Variants in PTPRN2 observed in about 807,000 individuals in gnomAD.
PTPRN2 encodes the protein receptor-type tyrosine-protein phosphatase N2.
PTPRN2 carries 74 observed loss-of-function variants against 118.8 expected under a neutral mutation model. That is an observed-to-expected ratio of 0.62 (90% confidence interval 0.52 to 0.76). PTPRN2 has a LOEUF of 0.76. PTPRN2 is among the 30% of genes least tolerant of loss of function. The pLI, the probability that PTPRN2 is intolerant of heterozygous loss-of-function variation, is 0.00. For missense variants in PTPRN2, 1,481 were observed against 1,394.4 expected (o/e 1.06, Z -0.99); for synonymous variants, 641 against 608.0 (o/e 1.05, Z -0.80).
At chr7:157,662,227 A>G (rs1795924408) in intron 13 of PTPRN2, among the ~76,000 whole-genome samples, 1 of 152,200 alleles carries the variant, frequency 6.6e-6, no homozygotes. Context: ...ATTAAATAAG[A>G]TAACATGCTT....
rs570758461 is a variant in PTPRN2 at position 157,889,769 on chromosome 7, C to T, written c.1788+8904G>A. 2.9e-4 allele frequency among the ~76,000 whole-genome samples: 44 copies of T among 152,328 alleles called. 1 individual carries two copies. In the South Asian group the frequency reaches 8.3e-3, roughly 29 times the overall value. Reference sequence around the variant, plus strand: ...GAAGTGCCTGTTTCTGGCTTCTGGCCGGAGGCTACGCTTCCCAGCTGGTCA... The same window carrying T: ...GAAGTGCCTGTTTCTGGCTTCTGGCTGGAGGCTACGCTTCCCAGCTGGTCA... On this transcript the variant is annotated intron_variant, in intron 12 of 22. Transcript: ENST00000389418.
At chr7:158,167,793 T>C (rs948062847) in intron 5 of PTPRN2, among the ~76,000 whole-genome samples, 1 of 152,228 alleles carries the variant, frequency 6.6e-6, no homozygotes, top group African/African-American at 2.4e-5. Context: ...CTAAGCATAA[T>C]GTCCTCAGGT....
At chr7:157,856,535 G>A (rs921729771) in intron 12 of PTPRN2, among the ~76,000 whole-genome samples, 2 of 152,262 alleles carry the variant, frequency 1.3e-5, no homozygotes, top group African/African-American at 4.8e-5. Context: ...CAACCAGCAA[G>A]CCGTGTGTGG....
chr7:158,491,161 G>A (rs1174905531), intron 1 of PTPRN2, among the ~76,000 whole-genome samples: 7 of 152,218 alleles, frequency 4.6e-5, no homozygotes. Flanking sequence ...CGTCATTCCA[G>A]ACCTAAGGCA....
intron 3 of PTPRN2, among the ~76,000 whole-genome samples, chr7:158,242,717 C>T (rs114499265): frequency 4.6e-4 from 70 of 152,304 alleles, no homozygotes; most frequent in African/African-American, 1.7e-3. Flanking sequence ...TTACTCGTTA[C>T]AGTCTGTTTT....
At chr7:158,233,282 C>A (rs1242761550) in intron 3 of PTPRN2, among the ~76,000 whole-genome samples, 2 of 152,034 alleles carry the variant, frequency 1.3e-5, no homozygotes, top group Non-Finnish European at 2.9e-5. Flanking sequence ...CAACAGCAAA[C>A]AATCTAAAAA....
intron 12 of PTPRN2, among the ~76,000 whole-genome samples, chr7:157,834,792 G>A (rs535887629): frequency 1.1e-3 from 160 of 152,332 alleles, no homozygotes; most frequent in African/African-American, 3.5e-3. Context: ...GAGGACAGAC[G>A]CACATGAGGC....
intron 22 of PTPRN2, among the ~76,000 whole-genome samples, chr7:157,545,513 A>G (rs221268): frequency 0.96 from 145,858 of 151,858 alleles, 70,141 homozygotes; most frequent in Middle Eastern, 1. Context: ...GTGGGTGTAC[A>G]CAGTGTGTGT....
intron 6 of PTPRN2, among the ~76,000 whole-genome samples, chr7:158,150,354 C>T (rs1341487330): frequency 6.6e-6 from 1 of 152,220 alleles, no homozygotes; most frequent in African/African-American, 2.4e-5. Context: ...TACCTGGGCT[C>T]ACCAAGGGTG....
intron 11 of PTPRN2, among the ~76,000 whole-genome samples, chr7:157,971,703 GA>G (rs989475747): frequency 2.0e-5 from 3 of 151,538 alleles, no homozygotes; most frequent in Non-Finnish European, 2.9e-5. Flanking sequence ...AAGAAAGAAA[GA>G]AAAAAAACCC....
At chr7:158,037,969 G>A (rs1808201949) in intron 11 of PTPRN2, among the ~76,000 whole-genome samples, 2 of 152,188 alleles carry the variant, frequency 1.3e-5, no homozygotes, top group Admixed American at 1.3e-4. Flanking sequence ...CATGATGTCT[G>A]AATCCGCTAA....
At chr7:157,668,404 A>C (rs1585207988) in intron 13 of PTPRN2, among the ~76,000 whole-genome samples, 1 of 152,352 alleles carries the variant, frequency 6.6e-6, no homozygotes, top group African/African-American at 2.4e-5. Flanking sequence ...CCGGGAGCCA[A>C]CTGAATGAAG....
intron 12 of PTPRN2, among the ~76,000 whole-genome samples, chr7:157,696,741 C>A (rs1262034624): frequency 6.9e-6 from 1 of 144,232 alleles, no homozygotes; most frequent in Non-Finnish European, 1.5e-5. Context: ...CACCGTCTAC[C>A]CATGCATACT....
At position 157,903,234 on chromosome 7, in the gene PTPRN2, G is replaced by T. The variant is rs1217781179; in HGVS notation, c.1724-4497C>A. ...GACATCGGGTACTTACAGCCATAGA[G>T]ATGGGAACAACAGACACGTAAGAGG... On this transcript the variant is annotated intron_variant, in intron 11 of 22. Transcript: ENST00000389418. The surrounding 1 kb of genome is among the most constrained non-coding windows in gnomAD (Gnocchi z 4.2). 6.6e-6 allele frequency among the ~76,000 whole-genome samples: 1 copy of T among 152,138 alleles called. No individual in the cohort carries two copies. The highest frequency in any genetic ancestry group is 2.4e-5 in the African/African-American group (1 of 41,428).
At chr7:157,859,748 C>T (rs1260851712) in intron 12 of PTPRN2, among the ~76,000 whole-genome samples, 3 of 99,474 alleles carry the variant, frequency 3.0e-5, no homozygotes, top group Non-Finnish European at 4.0e-5. Flanking sequence ...GAGCCCCGGC[C>T]ACCACCCACA....
intron 2 of PTPRN2, among the ~76,000 whole-genome samples, chr7:158,424,876 T>G (rs1815576281): frequency 6.6e-6 from 1 of 151,892 alleles, no homozygotes; most frequent in South Asian, 2.1e-4. Flanking sequence ...CCACGCCAGG[T>G]GTGCTCAGCA....
intron 17 of PTPRN2, among the ~76,000 whole-genome samples, chr7:157,593,983 A>G (rs1489529642): frequency 6.6e-6 from 1 of 152,232 alleles, no homozygotes; most frequent in Non-Finnish European, 1.5e-5. Flanking sequence ...CACAAAGGGC[A>G]GGAGGTCATA....
chr7:158,002,213 A>G (rs892722), intron 11 of PTPRN2, among the ~76,000 whole-genome samples: 101,370 of 152,120 alleles, frequency 0.67, 34,254 homozygotes, highest in East Asian at 0.88. Flanking sequence ...CGGCGTGGTC[A>G]TCAGGCGAGT....
At chr7:158,399,913 C>T (rs907832792) in intron 2 of PTPRN2, among the ~76,000 whole-genome samples, 1 of 152,112 alleles carries the variant, frequency 6.6e-6, no homozygotes, top group Non-Finnish European at 1.5e-5. Flanking sequence ...TCATTAGTCC[C>T]CAGGCACTTG....
Sources: allele counts gnomAD v4.1 joint callset (sites outside exome capture counted in the v4.1 genomes callset), GRCh38; gene constraint gnomAD v4.1.1; non-coding constraint Gnocchi (gnomAD v3.1); transcripts MANE v1.5; gene names NCBI Gene and HGNC (gene_info 2026-07-23, HGNC 2026-07-21).